Variants in CDH13 observed in about 807,000 individuals in gnomAD.
CDH13 encodes the protein cadherin 13.
Under a neutral mutation model 63.8 loss-of-function variants are expected in CDH13, and 24 were observed. The observed-to-expected ratio is 0.38, with a 90% CI of 0.27 to 0.53. The LOEUF (loss-of-function observed/expected upper bound fraction) is 0.53, where lower values mean the gene tolerates loss of function less well. CDH13 is among the 20% of genes least tolerant of loss of function. The pLI is 0.85. For synonymous variants in CDH13, 503 were observed against 355.3 expected, an observed-to-expected ratio of 1.42 and a Z score of -4.67; for missense variants, 1,049 against 903.1, an observed-to-expected ratio of 1.16 and a Z score of -2.07.
chr16:83,606,081 G>A (rs1598359862), intron 8 of CDH13, among the ~76,000 whole-genome samples: 1 of 152,216 alleles, frequency 6.6e-6, no homozygotes, highest in Non-Finnish European at 1.5e-5. Flanking sequence ...AGAGAGGAAA[G>A]ATGGGGCTTA....
At chr16:83,001,117 T>C (rs1047045305) in intron 2 of CDH13, among the ~76,000 whole-genome samples, 1 of 152,250 alleles carries the variant, frequency 6.6e-6, no homozygotes, top group African/African-American at 2.4e-5. Context: ...GTTGTCAAGA[T>C]CTTCTAGTAG....
intron 4 of CDH13, among the ~76,000 whole-genome samples, chr16:83,179,481 T>TA (rs565547312): frequency 0.019 from 1,279 of 69,072 alleles, 79 homozygotes; most frequent in East Asian, 0.045. Flanking sequence ...CCGTCTCTAC[T>TA]AAAAAAAAAA....
intron 8 of CDH13, among the ~76,000 whole-genome samples, chr16:83,613,378 T>A (rs1909017569): frequency 1.3e-5 from 2 of 152,228 alleles, no homozygotes; most frequent in South Asian, 4.1e-4. Context: ...ACCCTAATTT[T>A]ATATATGAAT....
intron 8 of CDH13, among the ~76,000 whole-genome samples, chr16:83,629,333 A>G (rs1910582443): frequency 6.6e-6 from 1 of 152,238 alleles, no homozygotes; most frequent in Non-Finnish European, 1.5e-5. Flanking sequence ...ACTAATTCAT[A>G]TCTAGCCAAG....
intron 6 of CDH13, among the ~76,000 whole-genome samples, chr16:83,479,387 C>T (rs1245370294): frequency 6.6e-6 from 1 of 152,184 alleles, no homozygotes; most frequent in African/African-American, 2.4e-5. Context: ...CATTTCTCAG[C>T]TGGGCGCGGT....
intron 6 of CDH13, among the ~76,000 whole-genome samples, chr16:83,415,000 C>G (rs1277861510): frequency 4.0e-5 from 6 of 151,138 alleles, no homozygotes; most frequent in Admixed American, 4.0e-4. Context: ...AAAAGATAAG[C>G]AAAATTGACA....
intron 2 of CDH13, among the ~76,000 whole-genome samples, chr16:82,903,831 G>T (rs1344117664): frequency 2.0e-5 from 3 of 152,106 alleles, no homozygotes; most frequent in African/African-American, 7.2e-5. Context: ...GTAAATAAGA[G>T]CACTGAGGTT....
chr16:82,975,010 C>T (rs912645172), intron 2 of CDH13, among the ~76,000 whole-genome samples: 1 of 152,204 alleles, frequency 6.6e-6, no homozygotes, highest in Non-Finnish European at 1.5e-5. Context: ...GCCCACATTT[C>T]TGATAGCCGC....
chr16:82,957,770 C>G (rs1906344868), intron 2 of CDH13, among the ~76,000 whole-genome samples: 1 of 152,176 alleles, frequency 6.6e-6, no homozygotes. Context: ...TAGAAATTAC[C>G]TAGGAAATAT....
intron 1 of CDH13, among the ~76,000 whole-genome samples, chr16:82,682,796 T>C (rs996304957): frequency 6.6e-6 from 1 of 152,212 alleles, no homozygotes; most frequent in Non-Finnish European, 1.5e-5. Flanking sequence ...TGAGAAGGCC[T>C]AGCCCTCTGC....
At chr16:83,557,899 A>G (rs1442252084) in intron 7 of CDH13, among the ~76,000 whole-genome samples, 3 of 152,138 alleles carry the variant, frequency 2.0e-5, no homozygotes, top group African/African-American at 7.2e-5. Context: ...TAAAAACAAT[A>G]TAAAAGAGAG....
chr16:83,721,946 A>C (rs1909752323), intron 10 of CDH13: 1 of 152,322 alleles, frequency 6.6e-6, no homozygotes, highest in African/African-American at 2.4e-5. Flanking sequence ...GAGGAAGTAC[A>C]GGCTGCACCC....
intron 3 of CDH13, among the ~76,000 whole-genome samples, chr16:83,035,773 C>G (rs539831971): frequency 6.6e-6 from 1 of 152,236 alleles, no homozygotes; most frequent in East Asian, 1.9e-4. Context: ...CCTCCTGAGC[C>G]TCTATGTAGT....
chr16:83,673,260 C>G (rs1914671881), intron 9 of CDH13, among the ~76,000 whole-genome samples: 1 of 152,192 alleles, frequency 6.6e-6, no homozygotes, highest in South Asian at 2.1e-4. Flanking sequence ...GTAGTACATA[C>G]ATTCGTTCAT....
chr16:83,137,872 G>T (rs1027086682), intron 4 of CDH13, among the ~76,000 whole-genome samples: 1 of 149,174 alleles, frequency 6.7e-6, no homozygotes, highest in African/African-American at 2.5e-5. Context: ...TGTTTTTTAG[G>T]TTTTTTTTTT....
At chr16:83,256,864 AAAAAT>A (rs1303269619) in intron 5 of CDH13, among the ~76,000 whole-genome samples, 1 of 151,006 alleles carries the variant, frequency 6.6e-6, no homozygotes, top group African/African-American at 2.4e-5. Context: ...AAAAAAAAAA[AAAAAT>A]AGTTCCCAGG....
chr16:83,445,811 C>A (rs902016), intron 6 of CDH13, among the ~76,000 whole-genome samples: 6 of 151,938 alleles, frequency 3.9e-5, no homozygotes, highest in African/African-American at 1.5e-4. Flanking sequence ...GGAAATATAA[C>A]TCGGAGTTCC....
chr16:83,743,882 C>T (rs1567566768), intron 10 of CDH13, among the ~76,000 whole-genome samples: 1 of 151,092 alleles, frequency 6.6e-6, no homozygotes, highest in African/African-American at 2.4e-5. Context: ...GTGCAGAGCA[C>T]ACCACCCCAG....
chr16:82,649,706 G>A (rs1910503749), intron 1 of CDH13, among the ~76,000 whole-genome samples: 1 of 152,042 alleles, frequency 6.6e-6, no homozygotes, highest in Non-Finnish European at 1.5e-5. Context: ...GATGGGGAAG[G>A]GAGAGGAGGG....
Sources: allele counts gnomAD v4.1 joint callset (sites outside exome capture counted in the v4.1 genomes callset), GRCh38; gene constraint gnomAD v4.1.1; transcripts MANE v1.5; gene names NCBI Gene and HGNC (gene_info 2026-07-23, HGNC 2026-07-21).